Variants in CNTN5 observed in about 807,000 individuals in gnomAD.
The protein encoded by CNTN5 is contactin-5.
In CNTN5, 77 loss-of-function variants were observed where a neutral mutation model predicts 129.1. The observed-to-expected ratio is 0.60, with a 90% CI of 0.50 to 0.72. The LOEUF is 0.72. CNTN5 is among the 30% of genes least tolerant of loss of function. The probability of loss-of-function intolerance (pLI) is 0.00; values close to 1 mark genes in which losing one functional copy is unlikely to be tolerated. For missense variants in CNTN5, 1,478 were observed against 1,328.8 expected (o/e 1.11, Z -1.75); for synonymous variants, 509 against 465.6 (o/e 1.09, Z -1.20).
chr11:99,297,333 C>T (rs550010459), intron 1 of CNTN5, among the ~76,000 whole-genome samples: 18 of 152,228 alleles, frequency 1.2e-4, no homozygotes, highest in South Asian at 1.0e-3. Context: ...TCCCAGCAGT[C>T]CCATCATCTC....
At chr11:99,470,305 G>T (rs1945122458) in intron 2 of CNTN5, among the ~76,000 whole-genome samples, 1 of 152,064 alleles carries the variant, frequency 6.6e-6, no homozygotes, top group Admixed American at 6.6e-5. Flanking sequence ...GAAGCCTCAG[G>T]TCTCAACATT....
chr11:99,823,424 T>C (rs1946860366), intron 4 of CNTN5, among the ~76,000 whole-genome samples: 1 of 152,154 alleles, frequency 6.6e-6, no homozygotes. Context: ...GTCTTGATTA[T>C]GCATTCTTCT....
At chr11:100,231,660 T>G (rs1336124430) in intron 16 of CNTN5, among the ~76,000 whole-genome samples, 1 of 152,190 alleles carries the variant, frequency 6.6e-6, no homozygotes, top group Non-Finnish European at 1.5e-5. Context: ...GCAATCATAG[T>G]CATTCATGAT....
chr11:99,309,613 G>A (rs944786681), intron 1 of CNTN5, among the ~76,000 whole-genome samples: 3 of 152,112 alleles, frequency 2.0e-5, no homozygotes, highest in Non-Finnish European at 2.9e-5. Context: ...TCCACATTCC[G>A]TCTTTGATAG....
chr11:100,316,471 C>T (rs1429817329), intron 21 of CNTN5, among the ~76,000 whole-genome samples: 2 of 152,072 alleles, frequency 1.3e-5, no homozygotes, highest in African/African-American at 4.8e-5. Flanking sequence ...TATAATTACC[C>T]CAGGATTTCT....
At chr11:100,100,799 G>C (rs1205588008) in intron 13 of CNTN5, among the ~76,000 whole-genome samples, 1 of 152,044 alleles carries the variant, frequency 6.6e-6, no homozygotes, top group African/African-American at 2.4e-5. Context: ...AGACTTTGCA[G>C]GTAAGAAGAG....
intron 6 of CNTN5, among the ~76,000 whole-genome samples, chr11:99,901,271 ACTT>A (rs1949349747): frequency 6.6e-6 from 1 of 151,880 alleles, no homozygotes; most frequent in Non-Finnish European, 1.5e-5. Flanking sequence ...TTTTCTGAGA[ACTT>A]CTTTTGGTCA....
Position 99,956,775 on chromosome 11 carries a change from C to G in CNTN5, c.674-31C>G, listed in dbSNP as rs754877840. ...TGTCTGTTAATGAAAAAATCAAAGT[C>G]TTTCGTTGACCAAATTTTGTGTATT... On this transcript the variant is annotated intron_variant, in intron 7 of 24. Transcript: ENST00000524871. 15 of 1,572,286 alleles carry G rather than the reference C, an allele frequency of 9.5e-6. No individual in the cohort carries two copies. The Admixed American group carries it at 1.3e-4, about 14-fold the overall frequency.
At chr11:99,998,603 G>C (rs2137454295) in intron 8 of CNTN5, among the ~76,000 whole-genome samples, 2 of 132,212 alleles carry the variant, frequency 1.5e-5, no homozygotes, top group South Asian at 5.2e-4. Flanking sequence ...CAGATTCAAT[G>C]CCATCCCCAT....
intron 3 of CNTN5, among the ~76,000 whole-genome samples, chr11:99,595,374 A>G (rs988513194): frequency 7.9e-5 from 12 of 152,116 alleles, no homozygotes; most frequent in African/African-American, 2.9e-4. Flanking sequence ...AAAATAAGGG[A>G]AATATTTTTA....
intron 2 of CNTN5, among the ~76,000 whole-genome samples, chr11:99,371,413 T>G (rs1939815108): frequency 6.6e-6 from 1 of 152,098 alleles, no homozygotes; most frequent in Admixed American, 6.6e-5. Flanking sequence ...ATTCCTAAGA[T>G]TCACTGCAAC....
At chr11:99,329,328 A>G (rs1230888218) in intron 2 of CNTN5, among the ~76,000 whole-genome samples, 1 of 152,234 alleles carries the variant, frequency 6.6e-6, no homozygotes, top group Admixed American at 6.5e-5. Context: ...TGTATGCAAA[A>G]TATCTCCTAT....
chr11:99,062,312 A>G (rs1353363261), intron 1 of CNTN5, among the ~76,000 whole-genome samples: 1 of 152,164 alleles, frequency 6.6e-6, no homozygotes, highest in Non-Finnish European at 1.5e-5. Context: ...TGGGTAGCAT[A>G]TGAGAACCAA....
At chr11:99,432,496 T>TTTTCTTTTCG in intron 2 of CNTN5, among the ~76,000 whole-genome samples, 1 of 36,920 alleles carries the variant, frequency 2.7e-5, no homozygotes, top group South Asian at 7.6e-4. Flanking sequence ...TTTTCTTTTC[T>TTTTCTTTTCG]TTCTTTTCTT....
At chr11:99,317,841 T>G (rs1865407036) in intron 1 of CNTN5, among the ~76,000 whole-genome samples, 1 of 152,100 alleles carries the variant, frequency 6.6e-6, no homozygotes, top group Non-Finnish European at 1.5e-5. Flanking sequence ...AAAGAAAACT[T>G]CTATAAATAG....
chr11:99,031,039 C>T lies in CNTN5; in HGVS notation c.-210+9769C>T, dbSNP rs12295566. On this transcript the variant is annotated intron_variant, in intron 1 of 24. Transcript: ENST00000524871. ...GTCTTGATCTCCTGACCTCGTGATC[C>T]GCCCGTCTCGGCCTCCCAAAGTGCT... 8.4e-3 allele frequency among the ~76,000 whole-genome samples: 1,281 copies of T among 151,980 alleles called. 18 individuals are homozygous for T. The highest frequency in any genetic ancestry group is 0.029 in the African/African-American group (1,214 of 41,444).
intron 1 of CNTN5, among the ~76,000 whole-genome samples, chr11:99,168,194 T>C (rs61891518): frequency 0.1 from 15,212 of 152,198 alleles, 1,321 homozygotes; most frequent in East Asian, 0.4. Context: ...TCTGCCTGCC[T>C]TTGCCTTCCA....
At chr11:99,037,972 G>C (rs1005758973) in intron 1 of CNTN5, among the ~76,000 whole-genome samples, 1 of 151,928 alleles carries the variant, frequency 6.6e-6, no homozygotes, top group African/African-American at 2.4e-5. Context: ...ACATAAACAC[G>C]GGGGTATTTA....
At chr11:99,492,307 G>T (rs1027162654) in intron 2 of CNTN5, among the ~76,000 whole-genome samples, 3 of 152,092 alleles carry the variant, frequency 2.0e-5, no homozygotes, top group Non-Finnish European at 4.4e-5. Flanking sequence ...TGTGACAATA[G>T]CCATATCAAT....
Sources: allele counts gnomAD v4.1 joint callset (sites outside exome capture counted in the v4.1 genomes callset), GRCh38; gene constraint gnomAD v4.1.1; transcripts MANE v1.5; gene names NCBI Gene and HGNC (gene_info 2026-07-23, HGNC 2026-07-21).